Variants in FOCAD observed in about 807,000 individuals in gnomAD.
The protein encoded by FOCAD is KIAA1797.
FOCAD carries 198 observed loss-of-function variants against 225.6 expected under a neutral mutation model. The ratio of observed to expected loss-of-function variants is 0.88; its 90% CI spans 0.78 to 0.99. The LOEUF is 0.99. Ranked by LOEUF, FOCAD falls within the 50% of genes least tolerant of loss-of-function variation. The pLI, the probability that FOCAD is intolerant of heterozygous loss-of-function variation, is 0.00. For synonymous variants in FOCAD, 897 were observed against 755.0 expected, an observed-to-expected ratio of 1.19 and a Z score of -3.08; for missense variants, 2,713 against 2,123.6, an observed-to-expected ratio of 1.28 and a Z score of -5.46.
rs1382197297 is a variant in FOCAD at position 20,971,544 on chromosome 9, A to T, written c.4133-4876A>T. ...AACCTTCACCTCCCGGGTTCAAGCA[A>T]TTCTCCTGCCCCAGCCTCCTGAGTA... On this transcript the variant is annotated intron_variant, in intron 35 of 43. Coordinates refer to ENST00000338382, the MANE Select transcript of FOCAD (RefSeq NM_001375567.1). Among the ~76,000 whole-genome samples the T allele has an allele frequency of 2.6e-5, 4 of 152,094 alleles. No individual in the cohort carries two copies. The South Asian group carries it at 6.2e-4, about 24-fold the overall frequency.
At chr9:20,857,141 T>C (rs928632768) in intron 15 of FOCAD, among the ~76,000 whole-genome samples, 4 of 152,118 alleles carry the variant, frequency 2.6e-5, no homozygotes, top group Admixed American at 2.0e-4. Flanking sequence ...ATTGTTATTT[T>C]GATAGGGATT....
intron 15 of FOCAD, among the ~76,000 whole-genome samples, chr9:20,846,371 G>T (rs1827112513): frequency 6.6e-6 from 1 of 152,062 alleles, no homozygotes; most frequent in African/African-American, 2.4e-5. Context: ...AGCCAACCTA[G>T]ATGGAAACAG....
chr9:20,894,568 C>T (rs1360746126), intron 21 of FOCAD, among the ~76,000 whole-genome samples: 2 of 152,048 alleles, frequency 1.3e-5, no homozygotes, highest in East Asian at 3.9e-4. Flanking sequence ...TGTAGAATAA[C>T]ATTTCATTGT....
chr9:20,744,690 T>G (rs112286117), intron 5 of FOCAD, among the ~76,000 whole-genome samples: 2 of 152,330 alleles, frequency 1.3e-5, no homozygotes, highest in African/African-American at 4.8e-5. Flanking sequence ...GCTTCCCACG[T>G]GATTTCCAGC....
At chr9:20,922,211 G>A (rs1452373168) in intron 24 of FOCAD, among the ~76,000 whole-genome samples, 1 of 152,090 alleles carries the variant, frequency 6.6e-6, no homozygotes, top group Non-Finnish European at 1.5e-5. Context: ...TAGAACTCTA[G>A]CAAAACCCAG....
rs751965717 is a variant in FOCAD at position 20,976,416 on chromosome 9, A to T, written c.4133-4A>T. On this transcript the variant is annotated splice_region_variant and splice_polypyrimidine_tract_variant and intron_variant, in intron 35 of 43. Transcript: ENST00000338382. ...TTACTATTATTTTTCACTGTCTGTT[A>T]TAGGTCCTGAATCTGTGCCTCCTTC... is the stretch of plus-strand genomic sequence containing the variant. 8.7e-6 allele frequency: 14 copies of T among 1,612,578 alleles called. No individual in the cohort carries two copies. The highest frequency in any genetic ancestry group is 1.2e-5 in the Non-Finnish European group (14 of 1,178,846).
At chr9:20,823,261 C>G in intron 15 of FOCAD, 146 bp downstream of exon 15, 1 of 866,458 alleles carries the variant, frequency 1.2e-6, no homozygotes, top group Non-Finnish European at 1.7e-6. Flanking sequence ...TGAAGCAAGA[C>G]CTACTTTACA....
At chr9:20,732,672 G>T (rs939977733) in intron 4 of FOCAD, among the ~76,000 whole-genome samples, 10 of 152,200 alleles carry the variant, frequency 6.6e-5, no homozygotes, top group African/African-American at 2.4e-4. Context: ...GGAAAGTATT[G>T]GGTTTGGGGT....
chr9:20,809,804 T>C (rs995374151), intron 11 of FOCAD, among the ~76,000 whole-genome samples: 1 of 152,136 alleles, frequency 6.6e-6, no homozygotes, highest in African/African-American at 2.4e-5. Context: ...AATCTCAGTG[T>C]AGATTTGGCC....
At chr9:20,958,899 A>C (rs1838448123) in intron 35 of FOCAD, among the ~76,000 whole-genome samples, 1 of 152,142 alleles carries the variant, frequency 6.6e-6, no homozygotes. Context: ...ATAGTATTCC[A>C]TTGTGGATAT....
intron 21 of FOCAD, among the ~76,000 whole-genome samples, chr9:20,894,784 A>G (rs1215165772): frequency 6.6e-6 from 1 of 152,004 alleles, no homozygotes; most frequent in African/African-American, 2.4e-5. Flanking sequence ...TGGCTTATCT[A>G]TTCTCTTGAC....
intron 11 of FOCAD, among the ~76,000 whole-genome samples, chr9:20,805,956 A>G (rs1416525779): frequency 1.3e-5 from 2 of 152,180 alleles, no homozygotes; most frequent in East Asian, 3.9e-4. Context: ...CACTGTTGCT[A>G]GGCAACTCTC....
At chr9:20,937,723 A>G (rs1228806793) in intron 28 of FOCAD, among the ~76,000 whole-genome samples, 2 of 151,806 alleles carry the variant, frequency 1.3e-5, no homozygotes, top group African/African-American at 4.8e-5. Context: ...GCCAAAATTG[A>G]CAAATGGGAT....
intron 35 of FOCAD, among the ~76,000 whole-genome samples, chr9:20,954,937 A>T (rs1288538040): frequency 6.6e-6 from 1 of 152,180 alleles, no homozygotes; most frequent in Non-Finnish European, 1.5e-5. Flanking sequence ...GCTAAATGGG[A>T]TGGCCAAATG....
intron 6 of FOCAD, among the ~76,000 whole-genome samples, chr9:20,764,167 C>T (rs1829855663): frequency 6.6e-6 from 1 of 152,110 alleles, no homozygotes; most frequent in Admixed American, 6.6e-5. Flanking sequence ...TTATGTAGAT[C>T]CTCACCTGTA....
chr9:20,702,937 G>A (rs1587269121), intron 1 of FOCAD, among the ~76,000 whole-genome samples: 3 of 152,180 alleles, frequency 2.0e-5, no homozygotes, highest in Admixed American at 2.0e-4. Flanking sequence ...TATATGCTGG[G>A]GAGATAGTGG....
intron 15 of FOCAD, among the ~76,000 whole-genome samples, chr9:20,826,961 TA>T (rs1824959619): frequency 1.3e-5 from 2 of 152,166 alleles, no homozygotes; most frequent in African/African-American, 4.8e-5. Context: ...TCATTTGCCT[TA>T]ATTTTCTTAC....
At position 20,982,454 on chromosome 9, in the gene FOCAD, C is replaced by A; in HGVS notation, c.4728+8C>A. ...ATCGCCCAGGTTACTAAGGTAATAA[C>A]ATATCTTTCTATACCTTTTTTCATT... is the stretch of plus-strand genomic sequence containing the variant. On this transcript the variant is annotated splice_region_variant and intron_variant, in intron 39 of 43. Coordinates refer to ENST00000338382, the MANE Select transcript of FOCAD (RefSeq NM_001375567.1). 1.2e-6 allele frequency: 2 copies of A among 1,603,686 alleles called. No homozygotes were observed. Among genetic ancestry groups the A allele is most frequent in the Non-Finnish European group, 1.7e-6 (2 of 1,171,250 alleles).
At chr9:20,660,335 G>A (rs765786121) in intron 2 of FOCAD, among the ~76,000 whole-genome samples, 1 of 152,172 alleles carries the variant, frequency 6.6e-6, no homozygotes, top group Admixed American at 6.5e-5. Context: ...TTTTAAAGAT[G>A]AGGAAATTGA....
Sources: gnomAD v4.1 joint callset for allele counts (sites outside exome capture counted in the v4.1 genomes callset) on GRCh38, gnomAD v4.1.1 for gene constraint, MANE v1.5 for transcripts, NCBI Gene and HGNC (gene_info 2026-07-23, HGNC 2026-07-21) for gene names.